SIPA1L3: variants seen among roughly 807,000 people sequenced by gnomAD.
SIPA1L3 encodes the protein signal-induced proliferation-associated 1-like protein 3.
In SIPA1L3, 59 loss-of-function variants were observed where a neutral mutation model predicts 150.1. The ratio of observed to expected loss-of-function variants is 0.39; its 90% confidence interval spans 0.32 to 0.49. The LOEUF (loss-of-function observed/expected upper bound fraction) is 0.49, where lower values mean the gene tolerates loss of function less well. Ranked by LOEUF, SIPA1L3 falls within the 20% of genes least tolerant of loss-of-function variation. The pLI, the probability that SIPA1L3 is intolerant of heterozygous loss-of-function variation, is 0.86. For synonymous variants in SIPA1L3, 1,070 were observed against 1,077.6 expected, an observed-to-expected ratio of 0.99 and a Z score of 0.14; for missense variants, 2,211 against 2,489.5, an observed-to-expected ratio of 0.89 and a Z score of 2.38.
rs73627645 is a variant in SIPA1L3 at position 38,164,081 on chromosome 19, T to G, written c.3781-398T>G. On this transcript the variant is annotated intron_variant, in intron 14 of 21. Transcript: ENST00000222345. This position sits in a 1 kb window ranked among gnomAD's most constrained non-coding sequence, Gnocchi z 4.1. ...GCAGGGTTTGCTAGTGGGCTGGACA[T>G]GAGTGAGAGCAAAAGCGGGGTCAAG... Among the ~76,000 whole-genome samples, 2,213 of 152,118 alleles carry G rather than the reference T, an allele frequency of 0.015. 54 individuals are homozygous for G. The highest frequency in any genetic ancestry group is 0.05 in the African/African-American group (2,094 of 41,480).
At chr19:37,914,448 C>T (rs1334398272) in intron 1 of SIPA1L3, among the ~76,000 whole-genome samples, 1 of 150,570 alleles carries the variant, frequency 6.6e-6, no homozygotes, top group Non-Finnish European at 1.5e-5. Context: ...CAGCTCATTG[C>T]AACCTCTGCT....
At chr19:38,035,994 C>T (rs368832675) in intron 2 of SIPA1L3, among the ~76,000 whole-genome samples, 2 of 152,316 alleles carry the variant, frequency 1.3e-5, no homozygotes, top group South Asian at 4.1e-4. Flanking sequence ...GTTCATACAG[C>T]GAAAGCCTGG....
chr19:37,936,731 T>TCC (rs2046604276), intron 1 of SIPA1L3, among the ~76,000 whole-genome samples: 2 of 152,198 alleles, frequency 1.3e-5, no homozygotes, highest in Admixed American at 6.5e-5. Context: ...TGAGATGCAG[T>TCC]CTCTCCTGGT....
At chr19:37,958,555 A>G (rs2145568215) in intron 1 of SIPA1L3, among the ~76,000 whole-genome samples, 1 of 152,386 alleles carries the variant, frequency 6.6e-6, no homozygotes, top group Non-Finnish European at 1.5e-5. Flanking sequence ...TAAAATTATA[A>G]AATTCTTAGA....
At position 38,082,497 on chromosome 19, in the gene SIPA1L3, AGGGGGAGGCTGGGCGTTCCCC is replaced by A. The variant is rs761541804; in HGVS notation, c.942_962del (p.Gly315_Ala321del). 125 of 1,595,222 alleles carry A rather than the reference AGGGGGAGGCTGGGCGTTCCCC, an allele frequency of 7.8e-5. No homozygotes were observed. Among genetic ancestry groups the A allele is most frequent in the African/African-American group, 3.5e-4 (26 of 74,686 alleles). ...CGGAAGCTAAGGAGCAGCAAACCCG[AGGGGGAGGCTGGGCGTTCCCC>A]GGGGGAGGCCGACGAGGGCCGGAGC... On this transcript the variant is annotated inframe_deletion, in exon 3 of 22. Transcript: ENST00000222345.
At chr19:38,173,635 G>C (rs1972376897) in intron 15 of SIPA1L3, 1 of 152,298 alleles carries the variant, frequency 6.6e-6, no homozygotes, top group Non-Finnish European at 1.5e-5. Flanking sequence ...TGCGCCAGGA[G>C]TCCCTGGGAT....
intron 1 of SIPA1L3, among the ~76,000 whole-genome samples, chr19:37,994,848 A>C (rs1307346891): frequency 6.6e-6 from 1 of 152,220 alleles, no homozygotes; most frequent in Non-Finnish European, 1.5e-5. Context: ...CTGGCTGAGC[A>C]GTAGAGACGC....
intron 9 of SIPA1L3, among the ~76,000 whole-genome samples, chr19:38,126,756 G>A (rs1441063521): frequency 2.0e-5 from 3 of 151,852 alleles, no homozygotes; most frequent in Non-Finnish European, 4.4e-5. Context: ...GGCCGGTCTT[G>A]AACTCCTGAC....
At chr19:38,154,439 TTTTA>T (rs551986699) in intron 13 of SIPA1L3, among the ~76,000 whole-genome samples, 4 of 152,116 alleles carry the variant, frequency 2.6e-5, no homozygotes, top group Non-Finnish European at 4.4e-5. Context: ...GTTGATTTTA[TTTTA>T]TTTATTTATT....
At position 38,164,992 on chromosome 19, in the gene SIPA1L3, C is replaced by G; in HGVS notation, c.4208+86C>G. 8.0e-7 allele frequency: 1 copy of G among 1,255,690 alleles called. No individual in the cohort carries two copies. Among genetic ancestry groups the G allele is most frequent in the Non-Finnish European group, 1.1e-6 (1 of 930,970 alleles). The allele number at this position is 1,255,690 out of a possible 1,614,324, so 77.8% of individuals were successfully genotyped here. On this transcript the variant is annotated intron_variant, in intron 15 of 21. Transcript: ENST00000222345. This position sits in a 1 kb window ranked among gnomAD's most constrained non-coding sequence, Gnocchi z 4.1. Reference sequence around the variant, plus strand: ...CGGTCCTGATGGTGGGGTTCTCCTCCCCAGAAACACACTCACGGATGAATG... The same window carrying G: ...CGGTCCTGATGGTGGGGTTCTCCTCGCCAGAAACACACTCACGGATGAATG...
chr19:38,129,288 G>A (rs1033727403), intron 9 of SIPA1L3, among the ~76,000 whole-genome samples: 2 of 152,160 alleles, frequency 1.3e-5, no homozygotes, highest in Admixed American at 1.3e-4. Flanking sequence ...CATGTTGGGG[G>A]AAGGTCTGAG....
chr19:38,081,607 G>A lies in SIPA1L3; in HGVS notation c.42G>A (p.Leu14=), dbSNP rs766927512. 1 of 1,601,672 alleles carries A rather than the reference G, an allele frequency of 6.2e-7. No individual in the cohort carries two copies. The highest frequency in any genetic ancestry group is 8.5e-7 in the Non-Finnish European group (1 of 1,171,660). Reference sequence around the variant, plus strand: ...CCATCCCCAGCGATGGTGTGGACCTGGCAGCCAGCTGTGGCGCCAGGGTGG... The same window carrying A: ...CCATCCCCAGCGATGGTGTGGACCTAGCAGCCAGCTGTGGCGCCAGGGTGG... ...YRAIPSDGVD[L]AASCGARVGD... is the part of the protein sequence containing the mutation. The change falls in exon 3 of 22, where the codon CTG becomes CTA. Residue 14 remains leucine (L), a synonymous_variant. Transcript: ENST00000222345.
rs947944187 is a variant in SIPA1L3, at chr19:38,152,689, C to T, written c.3534-151C>T. 2.0e-5 allele frequency: 15 copies of T among 752,134 alleles called. No homozygotes were observed. The East Asian group carries it at 3.7e-4, about 19-fold the overall frequency. The allele number at this position is 752,134 out of a possible 1,614,324, so 46.6% of individuals were successfully genotyped here. ...CTAATAGCACGTTTCCAGGCTTACT[C>T]ATCCAGCCTTCCTAACCGCTTTCTC... On this transcript the variant is annotated intron_variant, in intron 12 of 21. Coordinates refer to ENST00000222345, the MANE Select transcript of SIPA1L3 (RefSeq NM_015073.3).
At chr19:37,972,077 G>A (rs576853114) in intron 1 of SIPA1L3, among the ~76,000 whole-genome samples, 1 of 151,958 alleles carries the variant, frequency 6.6e-6, no homozygotes, top group African/African-American at 2.4e-5. Flanking sequence ...ATATTTTTCA[G>A]TTCTCTTGGA....
chr19:37,956,482 G>GTTTTTTTTTTTTTTTTTTTTTTTTTTTTT, intron 1 of SIPA1L3, among the ~76,000 whole-genome samples: 1 of 126,882 alleles, frequency 7.9e-6, no homozygotes, highest in Non-Finnish European at 1.7e-5. Context: ...AAGTATAAAA[G>GTTTTTTTTTTTTTTTTTTTTTTTTTTTTT]TTTTGTTTTT....
At chr19:38,168,775 C>T (rs192077075) in intron 15 of SIPA1L3, among the ~76,000 whole-genome samples, 13 of 152,260 alleles carry the variant, frequency 8.5e-5, no homozygotes, top group African/African-American at 1.4e-4. Flanking sequence ...GAGAGGAGCC[C>T]GCTGCAGAAG....
intron 1 of SIPA1L3, among the ~76,000 whole-genome samples, chr19:37,912,923 G>GT: frequency 1.3e-5 from 2 of 152,200 alleles, no homozygotes; most frequent in Non-Finnish European, 2.9e-5. Context: ...GATTTGCCCA[G>GT]GAAGACAGGA....
At chr19:37,955,448 C>T (rs353402) in intron 1 of SIPA1L3, among the ~76,000 whole-genome samples, 46,499 of 151,574 alleles carry the variant, frequency 0.31, 8,847 homozygotes, top group East Asian at 0.68. Context: ...TGTGAAGCTG[C>T]ATAACTATCA....
intron 1 of SIPA1L3, among the ~76,000 whole-genome samples, chr19:37,923,975 A>G (rs867592378): frequency 5.3e-5 from 8 of 151,966 alleles, no homozygotes; most frequent in Admixed American, 4.6e-4. Flanking sequence ...GGGTTTCACC[A>G]TGTTGGCCAG....
Sources: gnomAD v4.1 joint callset for allele counts (sites outside exome capture counted in the v4.1 genomes callset) on GRCh38, gnomAD v4.1.1 for gene constraint, Gnocchi (gnomAD v3.1) non-coding constraint, MANE v1.5 for transcripts, NCBI Gene and HGNC (gene_info 2026-07-23, HGNC 2026-07-21) for gene names.